ZNF454: variants seen among roughly 807,000 people sequenced by gnomAD.
The protein encoded by ZNF454 is zinc finger protein 454.
Under a neutral mutation model 48.2 loss-of-function variants are expected in ZNF454, and 30 were observed. That is an observed-to-expected ratio of 0.62 (90% CI 0.47 to 0.84). The LOEUF (loss-of-function observed/expected upper bound fraction) is 0.84. Among genes scored for constraint, ZNF454 ranks in the 40% least tolerant of loss-of-function variants. ZNF454 has a pLI of 0.00. For synonymous variants in ZNF454, 204 were observed against 211.4 expected (o/e 0.97, Z 0.30); for missense variants, 510 against 623.1 (o/e 0.82, Z 1.93).
chr5:178,989,215 T>TGG, the ZNF454 span: 1 of 886,718 alleles, frequency 1.1e-6, no homozygotes, highest in Non-Finnish European at 1.6e-6. Context: ...CTCCCCACCC[T>TGG]CACCACCCTC....
At chr5:178,974,240 T>C in the ZNF454 span, among the ~76,000 whole-genome samples, 1 of 152,114 alleles carries the variant, frequency 6.6e-6, no homozygotes, top group Non-Finnish European at 1.5e-5. Flanking sequence ...TGGTCCTTCT[T>C]GTCTTTTAGG....
At chr5:178,986,844 T>C in the ZNF454 span, 2 of 1,613,838 alleles carry the variant, frequency 1.2e-6, no homozygotes, top group African/African-American at 1.3e-5. Flanking sequence ...TCACATCCAG[T>C]CTGAGGGTCT....
intron 4 of ZNF454, 48 bp from the exon 5 acceptor site, chr5:178,964,604 CAAA>C (rs763229202): frequency 7.1e-7 from 1 of 1,409,348 alleles, no homozygotes. Context: ...TTGCCCCATC[CAAA>C]TGTTTTGCTA....
At chr5:178,950,192 A>G (rs1759497962) in intron 4 of ZNF454, among the ~76,000 whole-genome samples, 1 of 152,188 alleles carries the variant, frequency 6.6e-6, no homozygotes, top group Non-Finnish European at 1.5e-5. Context: ...TTTTAATCAT[A>G]ATATGAAAAA....
chr5:178,941,676 C>A lies in ZNF454; in HGVS notation c.-108+232C>A, dbSNP rs1759094776. On this transcript the variant is annotated intron_variant, in intron 1 of 4. Transcript: ENST00000519564. The surrounding 1 kb of genome is among the most constrained non-coding windows in gnomAD (Gnocchi z 5.5). ...AAGGCCGGAGGCAGCCGCTGCGCAG[C>A]CCCTGCCACAGCCCCCGAGGGACCT... Among the ~76,000 whole-genome samples the A allele has an allele frequency of 1.3e-5, 2 of 152,314 alleles. No individual in the cohort carries two copies.
At position 178,965,937 on chromosome 5, in the gene ZNF454, C is replaced by G; in HGVS notation, c.1533C>G (p.Leu511=). The change falls in exon 5 of 5, where the codon CTC becomes CTG. Residue 511 remains leucine, a synonymous_variant. Coordinates refer to ENST00000519564, the MANE Select transcript of ZNF454 (RefSeq NM_001178089.3). This position sits in a 1 kb window ranked among gnomAD's most constrained non-coding sequence, Gnocchi z 5.2. ...AAGCTTTTAACCAGACTGCAAACCT[C>G]ATTCAGCATCAGAGACATCATATTG... ...CGKAFNQTAN[L]IQHQRHHIGE... is the part of the protein sequence containing the mutation. 1 of 1,598,526 alleles carries G rather than the reference C, an allele frequency of 6.3e-7. No homozygotes were observed. The highest frequency in any genetic ancestry group is 2.2e-5 in the East Asian group (1 of 44,742).
chr5:178,953,733 A>T (rs185874089), intron 4 of ZNF454, among the ~76,000 whole-genome samples: 1 of 152,156 alleles, frequency 6.6e-6, no homozygotes, highest in African/African-American at 2.4e-5. Flanking sequence ...TTCCTTCAGA[A>T]ATTTGACATT....
the ZNF454 span, among the ~76,000 whole-genome samples, chr5:178,984,406 C>T: frequency 5.3e-5 from 8 of 152,266 alleles, no homozygotes; most frequent in African/African-American, 1.2e-4. Flanking sequence ...TAAGTGCAGG[C>T]GAATTGAAGC....
chr5:178,955,015 T>C (rs756116016), intron 4 of ZNF454, among the ~76,000 whole-genome samples: 1 of 152,270 alleles, frequency 6.6e-6, no homozygotes, highest in Non-Finnish European at 1.5e-5. Flanking sequence ...CATTCTTGTG[T>C]AAGTTTTTGT....
At chr5:178,986,987 G>T in the ZNF454 span, 19 of 1,613,186 alleles carry the variant, frequency 1.2e-5, no homozygotes, top group Non-Finnish European at 1.6e-5. Context: ...GCGCTGCCTG[G>T]AGAGAGAGTC....
downstream of ZNF454, chr5:178,968,849 G>A (rs11741688): frequency 5.7e-5 from 26 of 456,352 alleles, 1 homozygote; most frequent in South Asian, 3.7e-4. Flanking sequence ...GGACCAAGGC[G>A]TGCAGCCACT....
intron 4 of ZNF454, among the ~76,000 whole-genome samples, chr5:178,963,884 T>C (rs1433902853): frequency 1.3e-5 from 2 of 151,758 alleles, no homozygotes; most frequent in Non-Finnish European, 2.9e-5. Flanking sequence ...TAGTATTCAC[T>C]CTAGAGTCAA....
chr5:178,969,748 G>A, downstream of ZNF454: 1 of 427,690 alleles, frequency 2.3e-6, no homozygotes, highest in South Asian at 1.7e-5. Context: ...AGCGTTCCGA[G>A]ACCCATCACA....
Position 178,944,609 on chromosome 5 carries a change from C to T in ZNF454, c.34-1750C>T, listed in dbSNP as rs1385301966. On this transcript the variant is annotated intron_variant, in intron 2 of 4. Transcript: ENST00000519564. The surrounding 1 kb of genome is among the most constrained non-coding windows in gnomAD (Gnocchi z 4.1). ...AACGGAAACCTAATTCAGACTGCCT[C>T]AGGCAGAAGCAGGCACTGACTGGAA... is the stretch of plus-strand genomic sequence containing the variant. Among the ~76,000 whole-genome samples the T allele has an allele frequency of 2.6e-5, 4 of 152,242 alleles. No individual in the cohort carries two copies. The highest frequency in any genetic ancestry group is 5.9e-5 in the Non-Finnish European group (4 of 68,046).
At chr5:178,983,507 G>T in the ZNF454 span, 2 of 626,998 alleles carry the variant, frequency 3.2e-6, no homozygotes, top group African/African-American at 3.6e-5. Context: ...TGTGCATAAG[G>T]GGCAGCTTGG....
chr5:178,989,925 C>T, the ZNF454 span: 1 of 221,054 alleles, frequency 4.5e-6, no homozygotes, highest in Non-Finnish European at 9.1e-6. Context: ...AACTCTCAGA[C>T]CTCCTGTCTT....
chr5:178,960,315 T>C (rs1014428196), intron 4 of ZNF454, among the ~76,000 whole-genome samples: 2 of 150,642 alleles, frequency 1.3e-5, no homozygotes, highest in Non-Finnish European at 2.9e-5. Context: ...TGGAGTGCAA[T>C]GGAAAGATCT....
chr5:178,945,874 G>A (rs1401875845), intron 2 of ZNF454, among the ~76,000 whole-genome samples: 1 of 152,004 alleles, frequency 6.6e-6, no homozygotes, highest in Non-Finnish European at 1.5e-5. Flanking sequence ...ACAGTCCAGC[G>A]GGGGAGACTG....
At chr5:178,986,272 G>C in the ZNF454 span, 4 of 1,613,950 alleles carry the variant, frequency 2.5e-6, no homozygotes, top group Non-Finnish European at 2.5e-6. Flanking sequence ...GCTGAGGGTC[G>C]TGCCCAGGCC....
Sources: allele counts gnomAD v4.1 joint callset (sites outside exome capture counted in the v4.1 genomes callset), GRCh38; gene constraint gnomAD v4.1.1; non-coding constraint Gnocchi (gnomAD v3.1); transcripts MANE v1.5; gene names NCBI Gene and HGNC (gene_info 2026-07-23, HGNC 2026-07-21).